The following LSAMP variants were observed in gnomAD, a reference collection of about 807,000 sequenced individuals.
LSAMP encodes the protein limbic system associated membrane protein.
LSAMP carries 7 observed loss-of-function variants against 38.6 expected under a neutral mutation model. The observed-to-expected ratio is 0.18, with a 90% confidence interval of 0.10 to 0.34. LSAMP has a LOEUF of 0.34. LSAMP is among the 10% of genes least tolerant of loss of function. The pLI, the probability that LSAMP is intolerant of heterozygous loss-of-function variation, is 1.00. For missense variants in LSAMP, 313 were observed against 420.0 expected (o/e 0.75, Z 2.23); for synonymous variants, 154 against 166.8 (o/e 0.92, Z 0.59).
intron 3 of LSAMP, among the ~76,000 whole-genome samples, chr3:115,865,898 G>A (rs1935844341): frequency 6.6e-6 from 1 of 152,152 alleles, no homozygotes; most frequent in Non-Finnish European, 1.5e-5. Context: ...AAAGACTGAA[G>A]GAGACAAGTT....
intron 1 of LSAMP, among the ~76,000 whole-genome samples, chr3:116,275,541 G>GA (rs11464897): frequency 0.61 from 92,081 of 151,808 alleles, 32,841 homozygotes; most frequent in East Asian, 0.84. Context: ...GACAACAATA[G>GA]AAAAAAATCA....
chr3:116,145,096 C>G (rs1170051120), intron 1 of LSAMP, among the ~76,000 whole-genome samples: 1 of 151,850 alleles, frequency 6.6e-6, no homozygotes, highest in South Asian at 2.1e-4. Context: ...TTTAGTTTAT[C>G]TACAAGGTGG....
intron 6 of LSAMP, 197 bp downstream of exon 6, chr3:115,841,648 A>G (rs1194908378): frequency 4.1e-6 from 2 of 490,626 alleles, no homozygotes; most frequent in Non-Finnish European, 6.9e-6. Context: ...GAAGTAAGAA[A>G]GACTATAGAG....
chr3:116,179,556 G>A (rs560982922), intron 1 of LSAMP, among the ~76,000 whole-genome samples: 1 of 152,226 alleles, frequency 6.6e-6, no homozygotes, highest in South Asian at 2.1e-4. Flanking sequence ...CATAGCTGGG[G>A]AGGCCTCAGG....
chr3:115,869,264 G>A (rs896838885), intron 3 of LSAMP, among the ~76,000 whole-genome samples: 68 of 148,122 alleles, frequency 4.6e-4, no homozygotes, highest in Admixed American at 1.6e-3. Context: ...CTCTATCTTG[G>A]AGGGGGAGAG....
At chr3:116,221,681 C>CAA (rs2107617290) in intron 1 of LSAMP, among the ~76,000 whole-genome samples, 1 of 152,306 alleles carries the variant, frequency 6.6e-6, no homozygotes, top group Non-Finnish European at 1.5e-5. Context: ...GCAATATATT[C>CAA]TGGCAGAGCT....
At chr3:116,091,893 A>G (rs750597374) in intron 1 of LSAMP, among the ~76,000 whole-genome samples, 4 of 152,140 alleles carry the variant, frequency 2.6e-5, no homozygotes, top group Non-Finnish European at 4.4e-5. Flanking sequence ...GAGGACATGG[A>G]CGTATGCTAT....
chr3:116,398,196 T>C (rs187679913), intron 1 of LSAMP, among the ~76,000 whole-genome samples: 1 of 152,110 alleles, frequency 6.6e-6, no homozygotes, highest in East Asian at 1.9e-4. Flanking sequence ...CTAATATTAC[T>C]ATACAGTCCT....
chr3:116,380,150 A>T (rs2048538394), intron 1 of LSAMP, among the ~76,000 whole-genome samples: 1 of 151,826 alleles, frequency 6.6e-6, no homozygotes, highest in African/African-American at 2.4e-5. Context: ...TCCCATTGGT[A>T]AAAAAGGATT....
At chr3:116,076,068 A>T (rs1234507643) in intron 2 of LSAMP, among the ~76,000 whole-genome samples, 1 of 152,174 alleles carries the variant, frequency 6.6e-6, no homozygotes, top group Non-Finnish European at 1.5e-5. Context: ...TAAAAAATTA[A>T]TTCATTCAAA....
chr3:116,224,261 C>T (rs918290668), intron 1 of LSAMP, among the ~76,000 whole-genome samples: 42 of 152,326 alleles, frequency 2.8e-4, no homozygotes, highest in Middle Eastern at 3.4e-3. Flanking sequence ...GTAATGCTCA[C>T]TTAATTAGAC....
chr3:116,176,948 A>T (rs1050430705), intron 1 of LSAMP, among the ~76,000 whole-genome samples: 8 of 107,728 alleles, frequency 7.4e-5, no homozygotes, highest in Non-Finnish European at 1.6e-4. Flanking sequence ...AGTTAATTTC[A>T]CTTTTTTTTT....
chr3:115,837,495 G>A (rs1290541174), intron 6 of LSAMP, among the ~76,000 whole-genome samples: 1 of 152,014 alleles, frequency 6.6e-6, no homozygotes, highest in Non-Finnish European at 1.5e-5. Context: ...TATTCACTGA[G>A]AACATCAACA....
intron 1 of LSAMP, among the ~76,000 whole-genome samples, chr3:116,301,405 T>C (rs551655846): frequency 9.4e-4 from 143 of 152,068 alleles, no homozygotes; most frequent in African/African-American, 2.6e-3. Flanking sequence ...CAAAAATAAA[T>C]AAAACAAAAT....
intron 2 of LSAMP, among the ~76,000 whole-genome samples, chr3:116,081,359 CAGG>C (rs1394047298): frequency 3.3e-5 from 5 of 151,702 alleles, no homozygotes; most frequent in Middle Eastern, 3.2e-3. Flanking sequence ...GAGGCTGAGG[CAGG>C]AGAATTGCTT....
intron 3 of LSAMP, among the ~76,000 whole-genome samples, chr3:115,986,929 C>T (rs1297175414): frequency 6.6e-6 from 1 of 152,116 alleles, no homozygotes; most frequent in Non-Finnish European, 1.5e-5. Context: ...GGGGAGGAGA[C>T]AGATAGCTTA....
chr3:115,935,705 G>C (rs4605542), intron 3 of LSAMP, among the ~76,000 whole-genome samples: 61,874 of 151,948 alleles, frequency 0.41, 13,238 homozygotes, highest in South Asian at 0.62. Flanking sequence ...GTGGCAGGAT[G>C]GGGGTATGTC....
At chr3:116,428,696 A>G (rs2049237461) in intron 1 of LSAMP, among the ~76,000 whole-genome samples, 1 of 152,182 alleles carries the variant, frequency 6.6e-6, no homozygotes, top group South Asian at 2.1e-4. Flanking sequence ...GACTGCCTAA[A>G]GCTTTTCTCT....
intron 1 of LSAMP, among the ~76,000 whole-genome samples, chr3:116,288,637 A>C (rs2047222415): frequency 6.6e-6 from 1 of 152,162 alleles, no homozygotes; most frequent in South Asian, 2.1e-4. Flanking sequence ...AAATACTGAG[A>C]GTTTCAATTT....
Sources: gnomAD v4.1 joint callset for allele counts (sites outside exome capture counted in the v4.1 genomes callset) on GRCh38, gnomAD v4.1.1 for gene constraint, MANE v1.5 for transcripts, NCBI Gene and HGNC (gene_info 2026-07-23, HGNC 2026-07-21) for gene names.